The following FAH variants were observed in gnomAD, a reference collection of about 807,000 sequenced individuals.
FAH encodes fumarylacetoacetate hydrolase, also known as fumarylacetoacetase.
Under a neutral mutation model 55.8 loss-of-function variants are expected in FAH, and 47 were observed. The observed-to-expected ratio is 0.84, with a 90% CI of 0.67 to 1.07. The LOEUF is 1.07. Ranked by LOEUF, FAH falls within the 50% of genes least tolerant of loss-of-function variation. FAH has a pLI of 0.00. For missense variants in FAH, 495 were observed against 545.9 expected (o/e 0.91, Z 0.93); for synonymous variants, 199 against 207.7 (o/e 0.96, Z 0.36).
In FAH at chr15:80,175,024, G is replaced by T; in HGVS notation, c.846G>T (p.Arg282Ser). The change falls in exon 10 of 14, where the codon AGG becomes AGT. Residue 282 changes from arginine (R) to serine (S), a missense_variant. Transcript: ENST00000561421. Reference protein sequence around the residue: ...FAVPNPKQDPRPLPYLCHDEP... With the variant: ...FAVPNPKQDPSPLPYLCHDEP... ...GTGCTTTGCCCTCTCAGGACCCCAG[G>T]CCCCTGCCGTATCTGTGCCATGACG... 4.3e-6 allele frequency: 7 copies of T among 1,613,944 alleles called. No homozygotes were observed. The highest frequency in any genetic ancestry group is 2.2e-5 in the East Asian group (1 of 44,856).
intron 7 of FAH, among the ~76,000 whole-genome samples, chr15:80,169,850 T>A (rs1316154179): frequency 6.6e-6 from 1 of 152,228 alleles, no homozygotes; most frequent in Non-Finnish European, 1.5e-5. Flanking sequence ...CACACTTTTT[T>A]AAATTAAACT....
At chr15:80,177,150 G>T (rs1272719417) in intron 10 of FAH, among the ~76,000 whole-genome samples, 2 of 152,212 alleles carry the variant, frequency 1.3e-5, no homozygotes, top group African/African-American at 2.4e-5. Context: ...GCTATCCAGA[G>T]GACTCCTGAG....
Position 80,168,248 on chromosome 15 carries a change from T to C in FAH, c.554-16T>C. On this transcript the variant is annotated splice_polypyrimidine_tract_variant and intron_variant, in intron 6 of 13. Coordinates refer to ENST00000561421, the MANE Select transcript of FAH (RefSeq NM_000137.4). ...CTCACAGCACCGTTTTTTTTTTTTT[T>C]CTGGTGTTATTCCAGCTAAGCCTCC... 1.9e-6 allele frequency: 3 copies of C among 1,609,982 alleles called. No individual in the cohort carries two copies. Among genetic ancestry groups the C allele is most frequent in the South Asian group, 1.1e-5 (1 of 91,028 alleles).
intron 11 of FAH, among the ~76,000 whole-genome samples, chr15:80,179,631 A>G (rs1026269073): frequency 6.6e-6 from 1 of 152,008 alleles, no homozygotes; most frequent in African/African-American, 2.4e-5. Context: ...ATCGTGTTTG[A>G]ATCGTTCAGC....
intron 4 of FAH, among the ~76,000 whole-genome samples, chr15:80,161,720 A>G (rs2041150828): frequency 6.6e-6 from 1 of 152,186 alleles, no homozygotes; most frequent in African/African-American, 2.4e-5. Context: ...AGATGTGCAC[A>G]CACATAACTG....
intron 12 of FAH, 185 bp downstream of exon 12, chr15:80,180,410 C>T: frequency 3.3e-6 from 2 of 613,530 alleles, no homozygotes; most frequent in Non-Finnish European, 5.9e-6. Context: ...AAATTCAAAC[C>T]TAAAGAGACT....
chr15:80,162,911 G>A (rs2041161043), intron 5 of FAH: 1 of 187,976 alleles, frequency 5.3e-6, no homozygotes, highest in Non-Finnish European at 1.1e-5. Flanking sequence ...CATTGACCAA[G>A]CTGAGGATGC....
chr15:80,172,510 G>A (rs1440744853), intron 8 of FAH, among the ~76,000 whole-genome samples: 3 of 152,060 alleles, frequency 2.0e-5, no homozygotes, highest in African/African-American at 7.2e-5. Context: ...TATGTGTCAG[G>A]CCCTGTGCTT....
rs147121099 is a variant in FAH at position 80,184,510 on chromosome 15, C to T, written c.1181-1620C>T. On this transcript the variant is annotated intron_variant, in intron 13 of 13. Transcript: ENST00000561421. ...AGACTCTTTAAAAATGCTGCAGTTC[C>T]GAGTTAGTTGTTTTGATAGATGTTT... 4.9e-3 allele frequency among the ~76,000 whole-genome samples: 739 copies of T among 152,040 alleles called. 5 individuals carry two copies. The highest frequency in any genetic ancestry group is 0.016 in the African/African-American group (669 of 41,452).
intron 9 of FAH, 110 bp downstream of exon 9, chr15:80,173,254 G>A (rs768315646): frequency 4.9e-6 from 7 of 1,439,418 alleles, no homozygotes; most frequent in South Asian, 4.6e-5. Context: ...GGGAAGCTCT[G>A]TGCCCACGGC....
At chr15:80,176,414 G>T (rs1280792590) in intron 10 of FAH, among the ~76,000 whole-genome samples, 1 of 152,238 alleles carries the variant, frequency 6.6e-6, no homozygotes, top group Admixed American at 6.5e-5. Flanking sequence ...TCATGAGGTG[G>T]TTCCTGTCAG....
intron 13 of FAH, among the ~76,000 whole-genome samples, chr15:80,185,050 G>GAATT (rs2041359248): frequency 6.6e-6 from 1 of 152,136 alleles, no homozygotes; most frequent in Non-Finnish European, 1.5e-5. Context: ...TGTTGAAATG[G>GAATT]AATTAAATGA....
intron 11 of FAH, 77 bp from the exon 12 acceptor site, chr15:80,180,046 CA>C: frequency 1.0e-6 from 1 of 990,004 alleles, no homozygotes; most frequent in Non-Finnish European, 1.5e-6. Context: ...GTGAGCAGGG[CA>C]GGCTGTGCCC....
At chr15:80,156,569 A>AAT (rs1567113901) in intron 1 of FAH, 1 of 152,180 alleles carries the variant, frequency 6.6e-6, no homozygotes, top group African/African-American at 2.4e-5. Context: ...AAACAAAGGC[A>AAT]ATGCACATTC....
intron 4 of FAH, among the ~76,000 whole-genome samples, chr15:80,160,840 G>A (rs145001576): frequency 1.3e-5 from 2 of 152,206 alleles, no homozygotes; most frequent in Non-Finnish European, 2.9e-5. Flanking sequence ...TGAGCACGTG[G>A]CAGGATGTCT....
intron 11 of FAH, among the ~76,000 whole-genome samples, chr15:80,178,863 C>T (rs534845763): frequency 2.6e-5 from 4 of 152,288 alleles, no homozygotes; most frequent in African/African-American, 9.6e-5. Context: ...GCTGGGATTA[C>T]AGGCATGAGC....
intron 3 of FAH, 180 bp downstream of exon 3, chr15:80,160,057 A>T: frequency 1.1e-6 from 1 of 885,264 alleles, no homozygotes; most frequent in South Asian, 1.6e-5. Context: ...GAGGACTGGG[A>T]TTGCCTTGGC....
intron 3 of FAH, chr15:80,160,086 C>A: frequency 1.4e-6 from 1 of 705,856 alleles, no homozygotes; most frequent in Non-Finnish European, 2.4e-6. Flanking sequence ...TGGAGCTGCC[C>A]AAGCTAGGCC....
intron 7 of FAH, 115 bp downstream of exon 7, chr15:80,168,431 G>T (rs2041214848): frequency 5.9e-6 from 6 of 1,009,886 alleles, no homozygotes; most frequent in South Asian, 2.6e-5. Context: ...CAGCCACATC[G>T]GCAGCCGCTC....
Sources: allele counts gnomAD v4.1 joint callset (sites outside exome capture counted in the v4.1 genomes callset), GRCh38; gene constraint gnomAD v4.1.1; transcripts MANE v1.5; gene names NCBI Gene and HGNC (gene_info 2026-07-23, HGNC 2026-07-21).